The following RAB40B variants were observed in gnomAD, a reference collection of about 807,000 sequenced individuals.
RAB40B encodes the protein ras-related protein Rab-40B.
Under a neutral mutation model 24.0 loss-of-function variants are expected in RAB40B, and 21 were observed. That is an observed-to-expected ratio of 0.88 (90% confidence interval 0.62 to 1.26). RAB40B has a LOEUF of 1.26. Ranked by LOEUF, RAB40B falls within the 50% of genes most tolerant of loss-of-function variation. The pLI is 0.00. For synonymous variants in RAB40B, 167 were observed against 169.8 expected, an observed-to-expected ratio of 0.98 and a Z score of 0.13; for missense variants, 348 against 390.5, an observed-to-expected ratio of 0.89 and a Z score of 0.92.
Position 82,688,065 on chromosome 17 carries a change from G to A in RAB40B, c.142+10390C>T, listed in dbSNP as rs73359123. On this transcript the variant is annotated intron_variant, in intron 1 of 5. Transcript: ENST00000571995. ...CCAGCCTGGGCAATAAGCCAGACCC[G>A]GTTTCAAAAAAGACTTTACATCCCT... Among the ~76,000 whole-genome samples, 435 of 151,964 alleles carry A rather than the reference G, an allele frequency of 2.9e-3. 3 individuals carry two copies. The highest frequency in any genetic ancestry group is 0.01 in the African/African-American group (423 of 41,496).
chr17:82,677,574 C>T (rs1246954655), intron 1 of RAB40B, among the ~76,000 whole-genome samples: 2 of 152,312 alleles, frequency 1.3e-5, no homozygotes, highest in East Asian at 1.9e-4. Flanking sequence ...CCTGACGCCG[C>T]GTCTCTGTCC....
chr17:82,671,574 C>A (rs200372195), intron 1 of RAB40B, among the ~76,000 whole-genome samples: 2 of 150,300 alleles, frequency 1.3e-5, no homozygotes, highest in South Asian at 2.1e-4. Context: ...CACCCCACCC[C>A]TGTAACTCTA....
rs1253875890 is a variant in RAB40B, at chr17:82,659,717, T to C, written c.265-60A>G. The C allele has an allele frequency of 8.6e-6, 12 of 1,392,462 alleles. No homozygotes were observed. In the Admixed American group the frequency reaches 1.7e-4, roughly 20 times the overall value. 86.3% of individuals were successfully genotyped at this position (1,392,462 alleles called of 1,614,324 possible). On this transcript the variant is annotated intron_variant, in intron 3 of 5. Transcript: ENST00000571995. Reference sequence around the variant, plus strand: ...ACAGATGCAGGCACAGCTGTGGCCATGCACGCAAAGACATACAACTAAATA... The same window carrying C: ...ACAGATGCAGGCACAGCTGTGGCCACGCACGCAAAGACATACAACTAAATA...
intron 1 of RAB40B, among the ~76,000 whole-genome samples, chr17:82,674,377 A>AT (rs1309919528): frequency 6.7e-6 from 1 of 149,728 alleles, no homozygotes; most frequent in Non-Finnish European, 1.5e-5. Context: ...CACGCCTGTA[A>AT]CCCCAGCACT....
chr17:82,686,453 C>G (rs1441925171), intron 1 of RAB40B, among the ~76,000 whole-genome samples: 1 of 152,214 alleles, frequency 6.6e-6, no homozygotes, highest in Non-Finnish European at 1.5e-5. Context: ...TGAGGTCATA[C>G]TGAGTTAGGT....
chr17:82,678,767 G>A (rs1298905084), intron 1 of RAB40B, among the ~76,000 whole-genome samples: 6 of 152,162 alleles, frequency 3.9e-5, no homozygotes, highest in Admixed American at 6.5e-5. Context: ...GGAAGTGGCC[G>A]GTGCTGACGC....
At chr17:82,669,265 C>T (rs1335214142) in intron 1 of RAB40B, among the ~76,000 whole-genome samples, 1 of 152,140 alleles carries the variant, frequency 6.6e-6, no homozygotes. Flanking sequence ...CACCTGAGGT[C>T]AGGAGTTCGA....
intron 1 of RAB40B, among the ~76,000 whole-genome samples, chr17:82,668,879 C>T (rs2046296496): frequency 6.6e-6 from 1 of 152,242 alleles, no homozygotes; most frequent in South Asian, 2.1e-4. Context: ...ATCTTGGCAG[C>T]AGCCACTCTA....
chr17:82,685,219 G>A (rs1215627947), intron 1 of RAB40B, among the ~76,000 whole-genome samples: 2 of 145,114 alleles, frequency 1.4e-5, no homozygotes, highest in Non-Finnish European at 3.0e-5. Context: ...AAAGGAATGG[G>A]GAGGGGGAGG....
intron 1 of RAB40B, among the ~76,000 whole-genome samples, chr17:82,683,499 C>A (rs2046465085): frequency 6.6e-6 from 1 of 152,054 alleles, no homozygotes; most frequent in African/African-American, 2.4e-5. Flanking sequence ...TCAAAATAAG[C>A]AAAAGAGGCC....
intron 1 of RAB40B, among the ~76,000 whole-genome samples, chr17:82,671,483 ACATGCTCCCT>A (rs1175286413): frequency 6.7e-5 from 6 of 90,100 alleles, no homozygotes; most frequent in East Asian, 3.5e-4. Flanking sequence ...ACACACACTC[ACATGCTCCCT>A]GTACTCACTG....
At chr17:82,674,115 C>T (rs980942131) in intron 1 of RAB40B, among the ~76,000 whole-genome samples, 3 of 152,096 alleles carry the variant, frequency 2.0e-5, no homozygotes, top group Non-Finnish European at 2.9e-5. Context: ...CCGAGGCGGG[C>T]GGATCACCTG....
chr17:82,687,078 C>G (rs2046510347), intron 1 of RAB40B, among the ~76,000 whole-genome samples: 1 of 152,128 alleles, frequency 6.6e-6, no homozygotes, highest in South Asian at 2.1e-4. Flanking sequence ...CTGTGGGCCC[C>G]CCCACACCCC....
chr17:82,657,945 C>T lies in RAB40B; in HGVS notation c.755G>A (p.Ser252Asn). Reference protein sequence around the residue: ...SLTTSSTHKRSSLRKVKLVRP... With the variant: ...SLTTSSTHKRNSLRKVKLVRP... ...GACGAGCTTCACTTTGCGGAGGCTG[C>T]TCCTTTTGTGGGTGGAGCTGGTGGT... The change falls in exon 6 of 6, where the codon AGC (serine) becomes AAC (asparagine). Residue 252 changes from serine (S) to asparagine (N), a missense_variant. By Grantham distance (46) the Ser-to-Asn change is conservative. Transcript: ENST00000571995. The T allele has an allele frequency of 6.2e-7, 1 of 1,614,076 alleles. No homozygotes were observed. Among genetic ancestry groups the T allele is most frequent in the Non-Finnish European group, 8.5e-7 (1 of 1,180,020 alleles).
chr17:82,672,897 A>G (rs1367892231), intron 1 of RAB40B, among the ~76,000 whole-genome samples: 1 of 152,158 alleles, frequency 6.6e-6, no homozygotes, highest in Non-Finnish European at 1.5e-5. Flanking sequence ...TTTTGTTTCT[A>G]CTGGAGTTAA....
At position 82,660,843 on chromosome 17, in the gene RAB40B, C is replaced by A. The variant is rs1005716397; in HGVS notation, c.264+144G>T. The A allele has an allele frequency of 4.9e-6, 5 of 1,030,592 alleles. No homozygotes were observed. In the East Asian group the frequency reaches 1.3e-4, roughly 27 times the overall value. The allele number at this position is 1,030,592 out of a possible 1,614,324, so 63.8% of individuals were successfully genotyped here. On this transcript the variant is annotated intron_variant, in intron 3 of 5. Transcript: ENST00000571995. ...TCAAACAACCAACCACTCTACAGCA[C>A]GTTTTTAGACTCTCAGCACCAATTT...
intron 1 of RAB40B, among the ~76,000 whole-genome samples, chr17:82,681,036 AAAAAAAAAAAAAAAG>A (rs1328915438): frequency 6.7e-6 from 1 of 149,896 alleles, no homozygotes; most frequent in African/African-American, 2.4e-5. Flanking sequence ...AAAAAAAAAA[AAAAAAAAAAAAAAAG>A]AAAGAGAAAA....
chr17:82,679,417 G>C (rs1339078099), intron 1 of RAB40B, among the ~76,000 whole-genome samples: 1 of 151,604 alleles, frequency 6.6e-6, no homozygotes, highest in African/African-American at 2.4e-5. Context: ...GAGTAGCTGG[G>C]ACTACAGGTG....
At position 82,685,360 on chromosome 17, in the gene RAB40B, A is replaced by G. The variant is rs187083303; in HGVS notation, c.142+13095T>C. On this transcript the variant is annotated intron_variant, in intron 1 of 5. Coordinates refer to ENST00000571995, the MANE Select transcript of RAB40B (RefSeq NM_006822.3). The stretch of plus-strand genomic sequence containing the variant: ...GTCCTCAACTGTGGCCGTGCACTCA[A>G]CTGAACGCAGATTCCTGGGGCCTCC... Among the ~76,000 whole-genome samples, 629 of 140,396 alleles carry G rather than the reference A, an allele frequency of 4.5e-3. 11 individuals carry two copies. Among genetic ancestry groups the G allele is most frequent in the Admixed American group, 0.032 (478 of 14,828 alleles). 92.1% of individuals were successfully genotyped at this position (140,396 alleles called of 152,430 possible).
Sources: allele counts gnomAD v4.1 joint callset (sites outside exome capture counted in the v4.1 genomes callset), GRCh38; gene constraint gnomAD v4.1.1; transcripts MANE v1.5; gene names NCBI Gene and HGNC (gene_info 2026-07-23, HGNC 2026-07-21).